PRMT7: variants seen among roughly 807,000 people sequenced by gnomAD.
PRMT7 encodes the protein protein arginine methyltransferase 7.
In PRMT7, 75 loss-of-function variants were observed where a neutral mutation model predicts 85.4. That is an observed-to-expected ratio of 0.88 (90% CI 0.73 to 1.06). The LOEUF (loss-of-function observed/expected upper bound fraction) is 1.06, where lower values mean the gene tolerates loss of function less well. Among genes scored for constraint, PRMT7 ranks in the 50% least tolerant of loss-of-function variants. The pLI, the probability that PRMT7 is intolerant of heterozygous loss-of-function variation, is 0.00. For synonymous variants in PRMT7, 397 were observed against 359.5 expected, an observed-to-expected ratio of 1.10 and a Z score of -1.18; for missense variants, 868 against 915.2, an observed-to-expected ratio of 0.95 and a Z score of 0.67.
At chr16:68,341,473 G>A (rs571743284) in intron 9 of PRMT7, among the ~76,000 whole-genome samples, 26 of 152,288 alleles carry the variant, frequency 1.7e-4, no homozygotes, top group African/African-American at 6.0e-4. Flanking sequence ...GCAATGGCGC[G>A]ATCTCAGCTC....
At chr16:68,348,542 C>A in intron 14 of PRMT7, 111 bp downstream of exon 14, 2 of 757,738 alleles carry the variant, frequency 2.6e-6, no homozygotes, top group Non-Finnish European at 2.1e-6. Context: ...GGGTCCTCCA[C>A]ATGCAACCTT....
chr16:68,321,497 G>A (rs1390672097), intron 4 of PRMT7, 35 bp downstream of exon 4: 1 of 1,572,828 alleles, frequency 6.4e-7, no homozygotes, highest in South Asian at 1.1e-5. Context: ...CTTGATGTGG[G>A]GTGTTTTGAA....
chr16:68,343,187 A>G (rs1455667300), intron 9 of PRMT7, among the ~76,000 whole-genome samples: 1 of 151,778 alleles, frequency 6.6e-6, no homozygotes, highest in Non-Finnish European at 1.5e-5. Context: ...CTGGGCAACA[A>G]GAGCGAAACT....
At chr16:68,336,009 T>C (rs2084633644) in intron 6 of PRMT7, among the ~76,000 whole-genome samples, 1 of 152,164 alleles carries the variant, frequency 6.6e-6, no homozygotes, top group Non-Finnish European at 1.5e-5. Context: ...ACTTCTGACC[T>C]CAGGTGATCT....
At chr16:68,335,437 G>A (rs2084529105) in intron 6 of PRMT7, among the ~76,000 whole-genome samples, 1 of 152,102 alleles carries the variant, frequency 6.6e-6, no homozygotes, top group Admixed American at 6.5e-5. Flanking sequence ...GTTTTGGACA[G>A]TGTATTCCAG....
chr16:68,357,014 C>G (rs2088684000), intron 18 of PRMT7, 40 bp from the exon 19 acceptor site: 1 of 1,562,602 alleles, frequency 6.4e-7, no homozygotes, highest in Admixed American at 1.8e-5. Context: ...GGCTCAGGTG[C>G]CAGGGAGCCC....
At chr16:68,326,198 A>G (rs2083096322) in intron 5 of PRMT7, among the ~76,000 whole-genome samples, 1 of 152,196 alleles carries the variant, frequency 6.6e-6, no homozygotes, top group African/African-American at 2.4e-5. Flanking sequence ...ATGTATATAA[A>G]TACTTTCCCT....
rs1235019635 is a variant in PRMT7, at chr16:68,355,729, C to G, written c.1657C>G (p.Leu553Val). Residue 553 changes from leucine to valine, a missense_variant, in exon 17 of 19, where the codon CTG (leucine) becomes GTG (valine). Transcript: ENST00000441236. The part of the protein sequence containing the change: ...HIMDDMIKRA[L>V]DFRESREAEP... Reference sequence around the variant, plus strand: ...GGCCCCCTTCTGTTCGCAGCGTGCCCTGGACTTCAGGGAGAGCAGGGAAGC... The same window carrying G: ...GGCCCCCTTCTGTTCGCAGCGTGCCGTGGACTTCAGGGAGAGCAGGGAAGC... The G allele has an allele frequency of 6.3e-7, 1 of 1,597,968 alleles. No homozygotes were observed. Among genetic ancestry groups the G allele is most frequent in the Non-Finnish European group, 8.5e-7 (1 of 1,170,514 alleles).
At chr16:68,350,585 T>TA (rs1304385760) in intron 14 of PRMT7, among the ~76,000 whole-genome samples, 1 of 152,182 alleles carries the variant, frequency 6.6e-6, no homozygotes, top group Non-Finnish European at 1.5e-5. Flanking sequence ...TTTGCCCATT[T>TA]AAAAAAATAA....
At chr16:68,351,432 C>A (rs937823597) in intron 14 of PRMT7, 1 of 150,710 alleles carries the variant, frequency 6.6e-6, no homozygotes, top group South Asian at 2.2e-4. Flanking sequence ...TTCCACACTT[C>A]GTGGTCCTCA....
Position 68,312,427 on chromosome 16 carries a change from G to A in PRMT7, c.-84+251G>A, listed in dbSNP as rs551304033. Reference sequence around the variant, plus strand: ...TTTTTAAAAATTTTTTGTAGAGAACGGGGTCTCACTATGTTGCGCAGGCTG... The same window carrying A: ...TTTTTAAAAATTTTTTGTAGAGAACAGGGTCTCACTATGTTGCGCAGGCTG... On this transcript the variant is annotated intron_variant, in intron 2 of 18. Coordinates refer to ENST00000441236, the MANE Select transcript of PRMT7 (RefSeq NM_019023.5). Among the ~76,000 whole-genome samples the A allele has an allele frequency of 3.1e-3, 467 of 151,874 alleles. 2 individuals are homozygous for A. Among genetic ancestry groups the A allele is most frequent in the Admixed American group, 6.3e-3 (96 of 15,246 alleles).
chr16:68,314,326 A>T (rs1376133115), intron 2 of PRMT7, among the ~76,000 whole-genome samples: 1 of 152,212 alleles, frequency 6.6e-6, no homozygotes, highest in African/African-American at 2.4e-5. Flanking sequence ...CGCCTCCTGG[A>T]TTCAAGTGAT....
At chr16:68,312,393 C>G (rs1034654174) in intron 2 of PRMT7, among the ~76,000 whole-genome samples, 2 of 151,742 alleles carry the variant, frequency 1.3e-5, no homozygotes, top group African/African-American at 4.8e-5. Context: ...CCACCGCGCC[C>G]GGCTAATTTT....
At chr16:68,322,214 A>G (rs1291150110) in intron 4 of PRMT7, among the ~76,000 whole-genome samples, 1 of 151,736 alleles carries the variant, frequency 6.6e-6, no homozygotes, top group Non-Finnish European at 1.5e-5. Flanking sequence ...TTTTAATTTT[A>G]ATTTTATTTT....
At position 68,338,701 on chromosome 16, in the gene PRMT7, C is replaced by T. The variant is rs563961737; in HGVS notation, c.505-621C>T. Among the ~76,000 whole-genome samples the T allele has an allele frequency of 2.0e-5, 3 of 152,264 alleles. No individual in the cohort carries two copies. In the East Asian group the frequency reaches 5.8e-4, roughly 29 times the overall value. On this transcript the variant is annotated intron_variant, in intron 7 of 18. Coordinates refer to ENST00000441236, the MANE Select transcript of PRMT7 (RefSeq NM_019023.5). ...AGCCTTTTACCATGCCCAGAGCAAC[C>T]CCTACAGCAGAGAATCATTTGGCCC...
chr16:68,349,140 C>T (rs2086878723), intron 14 of PRMT7, among the ~76,000 whole-genome samples: 1 of 152,154 alleles, frequency 6.6e-6, no homozygotes, highest in South Asian at 2.1e-4. Context: ...CCCACGGTCT[C>T]CCTGCAGGCT....
chr16:68,339,642 G>A (rs565654645), intron 8 of PRMT7, 79 bp downstream of exon 8: 6 of 1,596,844 alleles, frequency 3.8e-6, no homozygotes, highest in Admixed American at 3.4e-5. Flanking sequence ...TTTTTGAGTG[G>A]GAAGGAAATC....
At chr16:68,350,730 C>T (rs1377028271) in intron 14 of PRMT7, among the ~76,000 whole-genome samples, 1 of 152,244 alleles carries the variant, frequency 6.6e-6, no homozygotes, top group Non-Finnish European at 1.5e-5. Context: ...CACCATTTGT[C>T]CGCAGTCCCC....
At chr16:68,328,511 CAA>C (rs55740206) in intron 5 of PRMT7, 32 of 55,194 alleles carry the variant, frequency 5.8e-4, no homozygotes, top group Admixed American at 6.4e-4. Context: ...GTATGTATAG[CAA>C]AAAAAAAAAA....
Sources: gnomAD v4.1 joint callset for allele counts (sites outside exome capture counted in the v4.1 genomes callset) on GRCh38, gnomAD v4.1.1 for gene constraint, MANE v1.5 for transcripts, NCBI Gene and HGNC (gene_info 2026-07-23, HGNC 2026-07-21) for gene names.